Variants in BTD observed in about 807,000 individuals in gnomAD.
BTD encodes biotinidase, also known as biocytinase.
BTD carries 13 observed loss-of-function variants against 17.7 expected under a neutral mutation model. The ratio of observed to expected loss-of-function variants is 0.74; its 90% CI spans 0.48 to 1.17. The LOEUF (loss-of-function observed/expected upper bound fraction) is 1.17. Among genes scored for constraint, BTD ranks in the 50% most tolerant of loss-of-function variants. The pLI is 0.00. For missense variants in BTD, 674 were observed against 650.4 expected, an observed-to-expected ratio of 1.04 and a Z score of -0.39; for synonymous variants, 240 against 245.2, an observed-to-expected ratio of 0.98 and a Z score of 0.20.
intron 1 of BTD, among the ~76,000 whole-genome samples, chr3:15,613,644 GGC>G (rs2064702431): frequency 6.6e-6 from 1 of 151,358 alleles, no homozygotes; most frequent in African/African-American, 2.4e-5. Flanking sequence ...TTTCACTCGT[GGC>G]AGAATGTTTT....
At chr3:15,700,284 C>G (rs867746989) in intron 3 of BTD, among the ~76,000 whole-genome samples, 2 of 152,058 alleles carry the variant, frequency 1.3e-5, no homozygotes, top group African/African-American at 2.4e-5. Context: ...ACATCATACA[C>G]CGGGGCCTGT....
At position 15,675,534 on chromosome 3, in the gene BTD, G is replaced by A. The variant is rs75008853; in HGVS notation, c.399+33477G>A. Reference sequence around the variant, plus strand: ...CTGACATTATGAAGTAGGCAAAAGGGGACAGGATCTAGTGCATGAGTAGAA... The same window carrying A: ...CTGACATTATGAAGTAGGCAAAAGGAGACAGGATCTAGTGCATGAGTAGAA... On this transcript the variant is annotated intron_variant, in intron 3 of 3. Coordinates refer to the BTD transcript ENST00000672141. 2.5e-3 allele frequency among the ~76,000 whole-genome samples: 376 copies of A among 152,160 alleles called. 2 individuals are homozygous for A. The highest frequency in any genetic ancestry group is 8.7e-3 in the African/African-American group (362 of 41,496).
intron 3 of BTD, among the ~76,000 whole-genome samples, chr3:15,709,164 G>A (rs1219727721): frequency 6.6e-6 from 1 of 152,132 alleles, no homozygotes; most frequent in Non-Finnish European, 1.5e-5. Flanking sequence ...AGTGGGATGT[G>A]TGGATATATG....
In BTD at chr3:15,601,910, G is replaced by A. The variant is rs767315470; in HGVS notation, c.-17+16G>A. ...CTAAGAGCAGGTACGGAGGGGGCGT[G>A]GTGCGGCGCGGAGGGGGTGTGGTAA... On this transcript the variant is annotated intron_variant, in intron 1 of 3. Transcript: ENST00000643237. 2.1e-5 allele frequency: 34 copies of A among 1,613,120 alleles called. No individual in the cohort carries two copies. The highest frequency in any genetic ancestry group is 8.0e-5 in the African/African-American group (6 of 74,870).
chr3:15,694,623 G>T, intron 3 of BTD: 1 of 641,798 alleles, frequency 1.6e-6, no homozygotes, highest in Non-Finnish European at 2.5e-6. Context: ...TTAATTCCAT[G>T]ATAACTATTA....
intron 3 of BTD, chr3:15,670,590 T>A: frequency 1.1e-5 from 17 of 1,584,414 alleles, no homozygotes; most frequent in Non-Finnish European, 1.4e-5. Flanking sequence ...AAATTAAGCA[T>A]CCTGAGATGT....
At chr3:15,690,708 G>A (rs1349703000) in intron 3 of BTD, among the ~76,000 whole-genome samples, 1 of 152,132 alleles carries the variant, frequency 6.6e-6, no homozygotes, top group Admixed American at 6.5e-5. Context: ...GGGACCAGAG[G>A]TACACGTCAC....
At chr3:15,659,639 G>C (rs553170918) in intron 3 of BTD, among the ~76,000 whole-genome samples, 1 of 152,100 alleles carries the variant, frequency 6.6e-6, no homozygotes, top group African/African-American at 2.4e-5. Flanking sequence ...TTTTTTATTC[G>C]TTTCCTTATC....
At chr3:15,633,696 A>G (rs895863480) in intron 1 of BTD, among the ~76,000 whole-genome samples, 5 of 152,164 alleles carry the variant, frequency 3.3e-5, no homozygotes, top group Admixed American at 6.5e-5. Flanking sequence ...CTCAGTTTCC[A>G]TACCTCTTAG....
chr3:15,613,015 G>A (rs1464129195), intron 1 of BTD, among the ~76,000 whole-genome samples: 1 of 152,118 alleles, frequency 6.6e-6, no homozygotes, highest in African/African-American at 2.4e-5. Flanking sequence ...AAATCTTGGA[G>A]CACCCCAGTT....
chr3:15,712,370 T>C, exon 4 of BTD: 1 of 686,552 alleles, frequency 1.5e-6, no homozygotes, highest in Non-Finnish European at 2.5e-6. Context: ...TAAAGTTTGA[T>C]GGTGGGCATA....
chr3:15,622,546 A>G (rs888813298), intron 1 of BTD, among the ~76,000 whole-genome samples: 1 of 152,208 alleles, frequency 6.6e-6, no homozygotes, highest in African/African-American at 2.4e-5. Context: ...GAAGTAGTCT[A>G]TAGATGTCCC....
chr3:15,627,261 T>C (rs2065089136), intron 1 of BTD, among the ~76,000 whole-genome samples: 1 of 152,224 alleles, frequency 6.6e-6, no homozygotes, highest in Non-Finnish European at 1.5e-5. Flanking sequence ...TGCTTTTTGC[T>C]GTTCCTCTTA....
upstream of BTD, chr3:15,601,568 C>T (rs745928979): frequency 1.9e-6 from 3 of 1,599,684 alleles, no homozygotes; most frequent in African/African-American, 2.7e-5. Context: ...TACTGCACCT[C>T]TGACGGACAG....
chr3:15,685,302 T>G (rs753552247), intron 3 of BTD: 1 of 1,614,048 alleles, frequency 6.2e-7, no homozygotes, highest in South Asian at 1.1e-5. Flanking sequence ...TAGATGCTGC[T>G]GACTGCAAAA....
intron 1 of BTD, among the ~76,000 whole-genome samples, chr3:15,609,894 ATTT>A (rs969528679): frequency 6.7e-6 from 1 of 149,882 alleles, no homozygotes. Context: ...TTTTTTTTTA[ATTT>A]TTTTATTTTT....
chr3:15,716,868 G>C (rs1255604919), downstream of BTD, among the ~76,000 whole-genome samples: 7 of 152,140 alleles, frequency 4.6e-5, no homozygotes, highest in African/African-American at 1.7e-4. Flanking sequence ...AGGCCAAAGC[G>C]GAAGGACTGC....
chr3:15,621,195 C>G (rs1192930980), intron 1 of BTD, among the ~76,000 whole-genome samples: 1 of 152,250 alleles, frequency 6.6e-6, no homozygotes, highest in Non-Finnish European at 1.5e-5. Context: ...CACTCATCTC[C>G]TCATGCTGAT....
At chr3:15,686,751 G>C (rs1456734567) in intron 3 of BTD, among the ~76,000 whole-genome samples, 2 of 152,182 alleles carry the variant, frequency 1.3e-5, no homozygotes, top group Non-Finnish European at 2.9e-5. Context: ...GATAAGTCTA[G>C]AGGCTGCTGG....
Sources: gnomAD v4.1 joint callset for allele counts (sites outside exome capture counted in the v4.1 genomes callset) on GRCh38, gnomAD v4.1.1 for gene constraint, MANE v1.5 for transcripts, NCBI Gene and HGNC (gene_info 2026-07-23, HGNC 2026-07-21) for gene names.